GABRB3: variants seen among roughly 807,000 people sequenced by gnomAD.
GABRB3 encodes gamma-aminobutyric acid type A receptor subunit beta3.
Under a neutral mutation model 52.1 loss-of-function variants are expected in GABRB3, and 14 were observed. The ratio of observed to expected loss-of-function variants is 0.27; its 90% CI spans 0.18 to 0.42. GABRB3 has a LOEUF of 0.42. Among genes scored for constraint, GABRB3 ranks in the 10% least tolerant of loss-of-function variants. GABRB3 has a pLI of 1.00. For synonymous variants in GABRB3, 260 were observed against 232.3 expected (o/e 1.12, Z -1.08); for missense variants, 307 against 609.1 (o/e 0.50, Z 5.22).
chr15:26,758,850 T>A (rs1221245817), intron 3 of GABRB3, among the ~76,000 whole-genome samples: 2 of 152,176 alleles, frequency 1.3e-5, no homozygotes, highest in Non-Finnish European at 2.9e-5. Context: ...AGGTGGTAAA[T>A]TAGCGCAAAT....
At chr15:26,758,968 T>G (rs117931429) in intron 3 of GABRB3, among the ~76,000 whole-genome samples, 3,061 of 152,272 alleles carry the variant, frequency 0.02, 39 homozygotes, top group Middle Eastern at 0.075. Flanking sequence ...AGTTGGAAAT[T>G]GTTTGTGGGG....
chr15:26,694,920 T>A (rs1031571823), intron 3 of GABRB3, among the ~76,000 whole-genome samples: 1 of 152,094 alleles, frequency 6.6e-6, no homozygotes, highest in African/African-American at 2.4e-5. Flanking sequence ...CAATGAAGAA[T>A]GCCTTTGATG....
In GABRB3 at chr15:26,687,607, G is replaced by T. The variant is rs114413379; in HGVS notation, c.241-66073C>A. ...TTCCTTCTCAATCATTTCTCAGAAT[G>T]ATGAAAAATAGTATAATATAAAATA... is the stretch of plus-strand genomic sequence containing the variant. On this transcript the variant is annotated intron_variant, in intron 3 of 8. Coordinates refer to ENST00000311550, the MANE Select transcript of GABRB3 (RefSeq NM_000814.6). Among the ~76,000 whole-genome samples the T allele has an allele frequency of 3.2e-3, 481 of 151,688 alleles. 2 individuals are homozygous for T. The highest frequency in any genetic ancestry group is 0.011 in the African/African-American group (465 of 41,316).
intron 2 of GABRB3, 51 bp from the exon 3 acceptor site, chr15:26,772,520 G>C (rs1045551246): frequency 6.3e-7 from 1 of 1,578,980 alleles, no homozygotes; most frequent in Middle Eastern, 1.7e-4. Flanking sequence ...CGCGGGGCGC[G>C]GGCGGCTCTG....
intron 3 of GABRB3, among the ~76,000 whole-genome samples, chr15:26,670,810 A>C (rs1887876498): frequency 6.6e-6 from 1 of 152,248 alleles, no homozygotes; most frequent in African/African-American, 2.4e-5. Context: ...TCTTTCTTTT[A>C]AGCCCTTGCC....
At position 26,560,492 on chromosome 15, in the gene GABRB3, C is replaced by T. The variant is rs531437363; in HGVS notation, c.1080+440G>A. Among the ~76,000 whole-genome samples the T allele has an allele frequency of 1.6e-4, 24 of 152,288 alleles. 1 individual carries two copies. In the South Asian group the frequency reaches 3.1e-3, roughly 20 times the overall value. On this transcript the variant is annotated intron_variant, in intron 8 of 8. Transcript: ENST00000311550. ...TCAATAGGCTGCCCATCCAGATAGACGCTGTTTTAAGGGGCTTACTGGTGA... is the reference window on the plus strand; with the variant it reads ...TCAATAGGCTGCCCATCCAGATAGATGCTGTTTTAAGGGGCTTACTGGTGA...
chr15:26,691,119 C>T (rs1208842017), intron 3 of GABRB3, among the ~76,000 whole-genome samples: 1 of 151,866 alleles, frequency 6.6e-6, no homozygotes, highest in Non-Finnish European at 1.5e-5. Flanking sequence ...CAAATACCTT[C>T]TCAGCTGGTA....
chr15:26,772,490 G>C (rs753553523), intron 2 of GABRB3, 21 bp from the exon 3 acceptor site: 15 of 1,607,966 alleles, frequency 9.3e-6, no homozygotes, highest in South Asian at 5.5e-5. Flanking sequence ...CACAGGACAC[G>C]GCGATCAGCC....
intron 3 of GABRB3, among the ~76,000 whole-genome samples, chr15:26,765,993 C>G (rs1276427333): frequency 6.6e-6 from 1 of 152,092 alleles, no homozygotes; most frequent in Non-Finnish European, 1.5e-5. Context: ...ATTTCCTCAT[C>G]TAAAAAAATG....
At chr15:26,563,169 C>T (rs1226591588) in intron 7 of GABRB3, among the ~76,000 whole-genome samples, 1 of 152,160 alleles carries the variant, frequency 6.6e-6, no homozygotes, top group African/African-American at 2.4e-5. Context: ...TTTGAATGGA[C>T]ATGTATGACA....
chr15:26,691,143 T>C (rs1888574945), intron 3 of GABRB3, among the ~76,000 whole-genome samples: 1 of 151,944 alleles, frequency 6.6e-6, no homozygotes, highest in Admixed American at 6.5e-5. Context: ...AGACACTGAG[T>C]CCCAGTCTTG....
In GABRB3 at chr15:26,621,290, T is replaced by C. The variant is rs1206987611; in HGVS notation, c.461+24A>G. ...ACCCATGCACCATGCAACAGCAAAA[T>C]TGGTCCTGAAGAGGCACACAGACCT... is the stretch of plus-strand genomic sequence containing the variant. On this transcript the variant is annotated intron_variant, in intron 4 of 8. Transcript: ENST00000311550. The surrounding 1 kb of genome is among the most constrained non-coding windows in gnomAD (Gnocchi z 4.1). 6.3e-7 allele frequency: 1 copy of C among 1,593,836 alleles called. No individual in the cohort carries two copies. Among genetic ancestry groups the C allele is most frequent in the South Asian group, 1.1e-5 (1 of 90,656 alleles).
chr15:26,773,405 G>C (rs1054962313), upstream of GABRB3, among the ~76,000 whole-genome samples: 2 of 151,100 alleles, frequency 1.3e-5, no homozygotes, highest in Non-Finnish European at 3.0e-5. Flanking sequence ...CCCCTGAGCC[G>C]GCTCCTCTGG....
chr15:26,589,548 C>A (rs1035129655), intron 4 of GABRB3, among the ~76,000 whole-genome samples: 10 of 152,202 alleles, frequency 6.6e-5, no homozygotes, highest in Admixed American at 3.9e-4. Flanking sequence ...TCACTGTATG[C>A]CAAGGTCCTG....
intron 3 of GABRB3, among the ~76,000 whole-genome samples, chr15:26,697,724 C>T (rs1176439581): frequency 1.3e-5 from 2 of 151,980 alleles, no homozygotes; most frequent in South Asian, 2.1e-4. Context: ...TCTTTATATC[C>T]CCCTCCTCCA....
intron 3 of GABRB3, among the ~76,000 whole-genome samples, chr15:26,701,791 A>C (rs1888943689): frequency 6.6e-6 from 1 of 152,238 alleles, no homozygotes; most frequent in Admixed American, 6.5e-5. Context: ...ATTTTCAAAA[A>C]GGATAAAGTC....
chr15:26,601,041 C>G (rs4906887), intron 4 of GABRB3, among the ~76,000 whole-genome samples: 136,913 of 152,164 alleles, frequency 0.9, 62,905 homozygotes, highest in East Asian at 1. Flanking sequence ...TTATCAGCTT[C>G]AAATGAGATG....
chr15:26,748,578 A>G (rs1002047382), intron 3 of GABRB3, among the ~76,000 whole-genome samples: 5 of 152,226 alleles, frequency 3.3e-5, no homozygotes, highest in African/African-American at 1.2e-4. Context: ...CATTCCTGAC[A>G]TTGATGTCTT....
intron 3 of GABRB3, among the ~76,000 whole-genome samples, chr15:26,632,051 G>A (rs1362823169): frequency 1.3e-5 from 2 of 152,314 alleles, no homozygotes; most frequent in Admixed American, 1.3e-4. Context: ...CGAACGTGCC[G>A]AAGTCTCAAG....
Sources: allele counts gnomAD v4.1 joint callset (sites outside exome capture counted in the v4.1 genomes callset), GRCh38; gene constraint gnomAD v4.1.1; non-coding constraint Gnocchi (gnomAD v3.1); transcripts MANE v1.5; gene names NCBI Gene and HGNC (gene_info 2026-07-23, HGNC 2026-07-21).